Variants in NUDCD3 observed in about 807,000 individuals in gnomAD.
NUDCD3 encodes nudC domain-containing protein 3.
Under a neutral mutation model 39.7 loss-of-function variants are expected in NUDCD3, and 13 were observed. The observed-to-expected ratio is 0.33, with a 90% CI of 0.21 to 0.52. NUDCD3 has a LOEUF of 0.52. Ranked by LOEUF, NUDCD3 falls within the 20% of genes least tolerant of loss-of-function variation. The probability of loss-of-function intolerance (pLI) is 0.96; values close to 1 mark genes in which losing one functional copy is unlikely to be tolerated. For missense variants in NUDCD3, 453 were observed against 458.1 expected (o/e 0.99, Z 0.10); for synonymous variants, 175 against 172.4 (o/e 1.02, Z -0.12).
chr7:44,433,828 G>A (rs1267468882), intron 2 of NUDCD3, among the ~76,000 whole-genome samples: 1 of 152,130 alleles, frequency 6.6e-6, no homozygotes. Context: ...CCACGGCCCA[G>A]GAGACAAGGC....
chr7:44,422,384 C>T (rs1405337503), intron 3 of NUDCD3, among the ~76,000 whole-genome samples: 1 of 151,308 alleles, frequency 6.6e-6, no homozygotes, highest in Non-Finnish European at 1.5e-5. Flanking sequence ...CAAAATAGAC[C>T]ACTAACCAGA....
chr7:44,480,226 C>T (rs1272262909), intron 2 of NUDCD3, among the ~76,000 whole-genome samples: 1 of 152,124 alleles, frequency 6.6e-6, no homozygotes, highest in Non-Finnish European at 1.5e-5. Flanking sequence ...TAGTCTATTA[C>T]TCAGAAATCA....
At position 44,386,720 on chromosome 7, in the gene NUDCD3, C is replaced by G. The variant is rs114357433; in HGVS notation, c.976-599G>C. ...GTCAGTCAGGAATTCCCCACTGCAT[C>G]CTTGCAGATGCAGTCAGAGCTGGTT... On this transcript the variant is annotated intron_variant, in intron 5 of 5. Coordinates refer to ENST00000355451, the MANE Select transcript of NUDCD3 (RefSeq NM_015332.4). Among the ~76,000 whole-genome samples the G allele has an allele frequency of 2.0e-3, 301 of 152,346 alleles. 2 individuals carry two copies. Among genetic ancestry groups the G allele is most frequent in the African/African-American group, 6.9e-3 (285 of 41,578 alleles).
chr7:44,467,857 C>A, intron 2 of NUDCD3: 1 of 1,427,044 alleles, frequency 7.0e-7, no homozygotes, highest in Non-Finnish European at 9.8e-7. Flanking sequence ...TCTTCCTCGG[C>A]GCTGCCTACG....
chr7:44,488,484 C>G (rs1800664527), intron 1 of NUDCD3, among the ~76,000 whole-genome samples: 1 of 152,140 alleles, frequency 6.6e-6, no homozygotes, highest in African/African-American at 2.4e-5. Flanking sequence ...TGCTCTCCAC[C>G]AAGATTATTC....
intron 4 of NUDCD3, among the ~76,000 whole-genome samples, chr7:44,401,240 G>A (rs553927509): frequency 5.9e-5 from 9 of 152,292 alleles, no homozygotes; most frequent in East Asian, 5.8e-4. Flanking sequence ...TGCAGCAAGC[G>A]GGAGGCAAAC....
intron 2 of NUDCD3, among the ~76,000 whole-genome samples, chr7:44,430,574 A>T (rs566628034): frequency 3.8e-5 from 5 of 130,808 alleles, no homozygotes; most frequent in African/African-American, 1.5e-4. Context: ...ACACACTCAC[A>T]CACACACACA....
chr7:44,408,167 A>G (rs1355424244), intron 3 of NUDCD3, among the ~76,000 whole-genome samples: 1 of 152,236 alleles, frequency 6.6e-6, no homozygotes, highest in Non-Finnish European at 1.5e-5. Flanking sequence ...TTAAGCTAGA[A>G]TTCTACATAC....
At chr7:44,474,030 T>C (rs1045037807) in intron 2 of NUDCD3, among the ~76,000 whole-genome samples, 2 of 152,122 alleles carry the variant, frequency 1.3e-5, no homozygotes, top group Non-Finnish European at 2.9e-5. Flanking sequence ...GCAGAATTTG[T>C]TTCAAAATAA....
rs1350507784 is a variant in NUDCD3, at chr7:44,490,546, G to A, written c.55C>T (p.His19Tyr). 8 of 1,612,186 alleles carry A rather than the reference G, an allele frequency of 5.0e-6. No individual in the cohort carries two copies. The highest frequency in any genetic ancestry group is 6.8e-6 in the Non-Finnish European group (8 of 1,179,256). Reference protein sequence around the residue: ...YDQALLGILQHVGNVQDFLRV... With the variant: ...YDQALLGILQYVGNVQDFLRV... ...AGGAAATCCTGGACGTTGCCCACGT[G>A]CTGCAGGATGCCCAAAAGGGCCTGG... The change falls in exon 1 of 6, where the codon CAC becomes TAC. Residue 19 changes from histidine to tyrosine, a missense_variant. Coordinates refer to ENST00000355451, the MANE Select transcript of NUDCD3 (RefSeq NM_015332.4).
chr7:44,400,590 C>T (rs1223506862), intron 4 of NUDCD3, among the ~76,000 whole-genome samples: 6 of 152,234 alleles, frequency 3.9e-5, no homozygotes, highest in South Asian at 2.1e-4. Context: ...ACAGACCAGG[C>T]GATACAAGGC....
chr7:44,425,490 G>A (rs1799216473), intron 3 of NUDCD3, among the ~76,000 whole-genome samples: 1 of 151,980 alleles, frequency 6.6e-6, no homozygotes, highest in African/African-American at 2.4e-5. Flanking sequence ...TTTTTAAAGT[G>A]GAAATTATCT....
intron 3 of NUDCD3, among the ~76,000 whole-genome samples, chr7:44,411,681 T>C (rs1480518472): frequency 6.6e-6 from 1 of 152,260 alleles, no homozygotes; most frequent in Non-Finnish European, 1.5e-5. Flanking sequence ...CATACATTTC[T>C]GGTGGATCTG....
chr7:44,402,226 G>A (rs887426617), intron 4 of NUDCD3, among the ~76,000 whole-genome samples: 1 of 152,212 alleles, frequency 6.6e-6, no homozygotes, highest in African/African-American at 2.4e-5. Flanking sequence ...TAAGTTTGCA[G>A]AGAATTAAAC....
At chr7:44,467,886 T>C in intron 2 of NUDCD3, 1 of 1,596,926 alleles carries the variant, frequency 6.3e-7, no homozygotes, top group Non-Finnish European at 8.5e-7. Context: ...AGCCATCTCC[T>C]CCTCGGCATC....
intron 2 of NUDCD3, among the ~76,000 whole-genome samples, chr7:44,480,941 C>CAAAA (rs1164765600): frequency 1.1e-4 from 4 of 34,876 alleles, no homozygotes; most frequent in Non-Finnish European, 1.5e-4. Context: ...GACCCAGTAT[C>CAAAA]AAAAAAAAAA....
intron 2 of NUDCD3, among the ~76,000 whole-genome samples, chr7:44,441,496 G>A (rs893116513): frequency 6.6e-6 from 1 of 152,146 alleles, no homozygotes; most frequent in Non-Finnish European, 1.5e-5. Flanking sequence ...TCTGCCTGGA[G>A]TATGGAAGCA....
chr7:44,402,889 G>C, intron 4 of NUDCD3: 5 of 313,018 alleles, frequency 1.6e-5, no homozygotes, highest in South Asian at 1.2e-4. Context: ...CATCACTCAT[G>C]CTCTCATACC....
At chr7:44,434,550 G>A (rs1799430148) in intron 2 of NUDCD3, among the ~76,000 whole-genome samples, 1 of 152,112 alleles carries the variant, frequency 6.6e-6, no homozygotes, top group Admixed American at 6.5e-5. Context: ...TACTAGCAGG[G>A]ATGTGACCCC....
Sources: gnomAD v4.1 joint callset for allele counts (sites outside exome capture counted in the v4.1 genomes callset) on GRCh38, gnomAD v4.1.1 for gene constraint, MANE v1.5 for transcripts, NCBI Gene and HGNC (gene_info 2026-07-23, HGNC 2026-07-21) for gene names.